Variants in TOP2B observed in about 807,000 individuals in gnomAD.
TOP2B encodes DNA topoisomerase II beta, also known as DNA topoisomerase 2-beta.
A neutral mutation model predicts 193.5 loss-of-function variants in TOP2B; 51 were observed. That is an observed-to-expected ratio of 0.26 (90% CI 0.21 to 0.33). TOP2B has a LOEUF of 0.33. Ranked by LOEUF, TOP2B falls within the 10% of genes least tolerant of loss-of-function variation. The probability of loss-of-function intolerance (pLI) is 1.00; values close to 1 mark genes in which losing one functional copy is unlikely to be tolerated. For missense variants in TOP2B, 1,378 were observed against 1,909.3 expected, an observed-to-expected ratio of 0.72 and a Z score of 5.19; for synonymous variants, 634 against 635.7, an observed-to-expected ratio of 1.00 and a Z score of 0.04.
At chr3:25,629,356 A>G (rs1324836407) in intron 13 of TOP2B, among the ~76,000 whole-genome samples, 1 of 152,118 alleles carries the variant, frequency 6.6e-6, no homozygotes, top group Admixed American at 6.5e-5. Context: ...TTATAAAAAT[A>G]TATTATCATT....
Position 25,599,256 on chromosome 3 carries a change from A to G in TOP2B, c.4710+179T>C, listed in dbSNP as rs115151225. Among the ~76,000 whole-genome samples, 453 of 152,236 alleles carry G rather than the reference A, an allele frequency of 3.0e-3. 3 individuals are homozygous for G. Among genetic ancestry groups the G allele is most frequent in the African/African-American group, 0.01 (429 of 41,548 alleles). On this transcript the variant is annotated intron_variant, in intron 35 of 35. Transcript: ENST00000264331. ...TAATTTATAGCACAGTTATTTAGGAAATAGTCCTGATTATATAAATTTATA... is the reference window on the plus strand; with the variant it reads ...TAATTTATAGCACAGTTATTTAGGAGATAGTCCTGATTATATAAATTTATA...
chr3:25,629,947 G>C (rs41285077), intron 13 of TOP2B, 82 bp downstream of exon 13: 3 of 1,376,738 alleles, frequency 2.2e-6, no homozygotes, highest in African/African-American at 2.9e-5. Flanking sequence ...TACCATCTTC[G>C]GGCAAGTCTC....
Position 25,643,740 on chromosome 3 carries a change from C to G in TOP2B, c.285G>C (p.Glu95Asp), listed in dbSNP as rs760637179. ...TGTATAAACCTGGCACAAAGGTAACCTCCCTGCAATTCATTCCTACATCTT... is the reference window on the plus strand; with the variant it reads ...TGTATAAACCTGGCACAAAGGTAACGTCCCTGCAATTCATTCCTACATCTT... ...YDEDVGMNCR[E>D]VTFVPGLYKI... is the part of the protein sequence containing the mutation. The change falls in exon 3 of 36, where the codon GAG becomes GAC. Residue 95 changes from glutamate (E) to aspartate (D), a missense_variant. By Grantham distance (45) the Glu-to-Asp change is conservative. This residue lies in a region of TOP2B where 35 missense variants were observed against 85.8 expected (regional missense o/e 0.41). Transcript: ENST00000264331. 4.3e-6 allele frequency: 7 copies of G among 1,613,290 alleles called. No individual in the cohort carries two copies. In the East Asian group the frequency reaches 1.6e-4, roughly 36 times the overall value.
chr3:25,622,433 A>G (rs1702682577), intron 21 of TOP2B, among the ~76,000 whole-genome samples: 1 of 152,124 alleles, frequency 6.6e-6, no homozygotes, highest in Admixed American at 6.5e-5. Context: ...ACATCAAAAT[A>G]TTGTCTCTAT....
At chr3:25,662,750 A>C (rs1703954435) in intron 1 of TOP2B, among the ~76,000 whole-genome samples, 1 of 152,244 alleles carries the variant, frequency 6.6e-6, no homozygotes, top group African/African-American at 2.4e-5. Context: ...ACTACGGAGC[A>C]AAATGTTTAC....
intron 1 of TOP2B, among the ~76,000 whole-genome samples, chr3:25,647,130 C>T (rs1703434181): frequency 1.3e-5 from 2 of 152,108 alleles, no homozygotes; most frequent in Admixed American, 1.3e-4. Context: ...GAAAGATGAA[C>T]TTTATTTTTA....
chr3:25,642,427 A>G, intron 3 of TOP2B, 42 bp from the exon 4 acceptor site: 2 of 1,272,724 alleles, frequency 1.6e-6, no homozygotes, highest in Non-Finnish European at 2.2e-6. Flanking sequence ...ACAAAATTAT[A>G]TAAATAAATA....
intron 3 of TOP2B, among the ~76,000 whole-genome samples, chr3:25,642,631 A>G (rs897536040): frequency 6.6e-6 from 1 of 152,130 alleles, no homozygotes; most frequent in African/African-American, 2.4e-5. Context: ...TTAGTGATAC[A>G]TATTAATCAA....
intron 1 of TOP2B, among the ~76,000 whole-genome samples, chr3:25,661,582 TAA>T (rs1311882152): frequency 6.6e-6 from 1 of 152,246 alleles, no homozygotes; most frequent in African/African-American, 2.4e-5. Context: ...CCTGCTGCCT[TAA>T]GAGAAGCCTT....
At chr3:25,632,901 G>A in intron 8 of TOP2B, 107 bp from the exon 9 acceptor site, 1 of 902,956 alleles carries the variant, frequency 1.1e-6, no homozygotes, top group African/African-American at 1.7e-5. Context: ...TAGAGTCTCA[G>A]AACGAGAGTT....
At chr3:25,618,352 A>T (rs563851484) in intron 25 of TOP2B, 66 bp downstream of exon 25, 39 of 1,238,902 alleles carry the variant, frequency 3.1e-5, no homozygotes, top group Non-Finnish European at 1.4e-5. Flanking sequence ...TAGGGGTTGA[A>T]TTTTTGTTTG....
chr3:25,640,258 C>T (rs1430526020), intron 4 of TOP2B, among the ~76,000 whole-genome samples: 2 of 152,024 alleles, frequency 1.3e-5, no homozygotes, highest in Non-Finnish European at 2.9e-5. Context: ...ATATACAAAT[C>T]AGCAACTTCT....
chr3:25,636,479 T>C (rs1030121454), intron 6 of TOP2B, among the ~76,000 whole-genome samples: 4 of 152,104 alleles, frequency 2.6e-5, no homozygotes, highest in African/African-American at 7.2e-5. Context: ...TGATTTAAAG[T>C]ACATGGGAGG....
intron 23 of TOP2B, 125 bp from the exon 24 acceptor site, chr3:25,618,974 T>C (rs1449281971): frequency 3.1e-6 from 2 of 648,234 alleles, no homozygotes; most frequent in Non-Finnish European, 4.8e-6. Context: ...GAACACAGAC[T>C]ACCCCTAAAA....
chr3:25,630,965 C>G (rs377220604), intron 10 of TOP2B, 26 bp from the exon 11 acceptor site: 1 of 1,547,418 alleles, frequency 6.5e-7, no homozygotes, highest in African/African-American at 1.4e-5. Context: ...TAATGGTATA[C>G]AAACAAGCTG....
At chr3:25,649,075 TG>T (rs1197891263) in intron 1 of TOP2B, among the ~76,000 whole-genome samples, 1 of 152,176 alleles carries the variant, frequency 6.6e-6, no homozygotes, top group Non-Finnish European at 1.5e-5. Context: ...TTTCTGGAAC[TG>T]AAGCATACAG....
At chr3:25,658,517 T>C (rs1438797003) in intron 1 of TOP2B, among the ~76,000 whole-genome samples, 3 of 152,060 alleles carry the variant, frequency 2.0e-5, no homozygotes, top group African/African-American at 7.2e-5. Flanking sequence ...GTTGTTTTAA[T>C]TATATTCTTT....
intron 16 of TOP2B, 47 bp from the exon 17 acceptor site, chr3:25,626,911 T>C (rs1702816932): frequency 1.7e-6 from 2 of 1,168,754 alleles, no homozygotes; most frequent in Non-Finnish European, 2.4e-6. Context: ...ATAAAATAAA[T>C]TTTATTACAA....
Position 25,608,612 on chromosome 3 carries a change from A to G in TOP2B, c.4093+571T>C, listed in dbSNP as rs375638061. Among the ~76,000 whole-genome samples the G allele has an allele frequency of 3.9e-5, 6 of 152,328 alleles. No homozygotes were observed. In the East Asian group the frequency reaches 7.7e-4, roughly 20 times the overall value. Reference sequence around the variant, plus strand: ...AAATTAGGACAAATTTTCAAATAACAAAATTTCAGAAGAATGTACAAAATA... The same window carrying G: ...AAATTAGGACAAATTTTCAAATAACGAAATTTCAGAAGAATGTACAAAATA... On this transcript the variant is annotated intron_variant, in intron 30 of 35. Transcript: ENST00000264331.
Sources: allele counts gnomAD v4.1 joint callset (sites outside exome capture counted in the v4.1 genomes callset), GRCh38; gene constraint gnomAD v4.1.1; regional missense constraint gnomAD v4.1.1; transcripts MANE v1.5; gene names NCBI Gene and HGNC (gene_info 2026-07-23, HGNC 2026-07-21).